The following AGBL1 variants were observed in gnomAD, a reference collection of about 807,000 sequenced individuals.
The protein encoded by AGBL1 is cytosolic carboxypeptidase 4.
Under a neutral mutation model 118.9 loss-of-function variants are expected in AGBL1, and 130 were observed. The ratio of observed to expected loss-of-function variants is 1.09; its 90% CI spans 0.95 to 1.26. AGBL1 has a LOEUF of 1.26. Ranked by LOEUF, AGBL1 falls within the 50% of genes most tolerant of loss-of-function variation. The pLI is 0.00. For synonymous variants in AGBL1, 555 were observed against 478.9 expected (o/e 1.16, Z -2.08); for missense variants, 1,584 against 1,298.1 (o/e 1.22, Z -3.38).
chr15:86,791,275 G>A (rs2078489571), intron 22 of AGBL1, among the ~76,000 whole-genome samples: 6 of 152,168 alleles, frequency 3.9e-5, no homozygotes, highest in Admixed American at 3.9e-4. Flanking sequence ...TATACCAAAT[G>A]TAGATAGTAT....
At chr15:87,008,177 G>GC (rs1206158763) in intron 24 of AGBL1, among the ~76,000 whole-genome samples, 2 of 152,178 alleles carry the variant, frequency 1.3e-5, no homozygotes, top group Admixed American at 1.3e-4. Flanking sequence ...AGGAAGATCT[G>GC]CTTCCACCTG....
chr15:86,680,864 G>A (rs1356933686), intron 22 of AGBL1, among the ~76,000 whole-genome samples: 1 of 151,774 alleles, frequency 6.6e-6, no homozygotes, highest in African/African-American at 2.4e-5. Context: ...ACTGCACCTG[G>A]CCGCACCCTG....
At chr15:86,750,120 T>C (rs2077824089) in intron 22 of AGBL1, among the ~76,000 whole-genome samples, 1 of 152,028 alleles carries the variant, frequency 6.6e-6, no homozygotes, top group Admixed American at 6.6e-5. Context: ...GAGGCAATAA[T>C]TTTTAATACT....
chr15:86,478,567 T>C (rs2082597224), intron 18 of AGBL1, among the ~76,000 whole-genome samples: 1 of 152,010 alleles, frequency 6.6e-6, no homozygotes, highest in South Asian at 2.1e-4. Flanking sequence ...AAACCACTGC[T>C]CAACAAAATA....
At chr15:86,528,022 C>T (rs2083290057) in intron 19 of AGBL1, among the ~76,000 whole-genome samples, 1 of 152,164 alleles carries the variant, frequency 6.6e-6, no homozygotes, top group Non-Finnish European at 1.5e-5. Flanking sequence ...TCACTTGCAT[C>T]ATATATGTAT....
At chr15:86,219,673 C>G (rs1268221326) in intron 5 of AGBL1, among the ~76,000 whole-genome samples, 9 of 152,198 alleles carry the variant, frequency 5.9e-5, no homozygotes, top group Non-Finnish European at 1.5e-5. Context: ...CCCGCTTAAG[C>G]TGTACCACAC....
At chr15:86,740,088 G>C (rs1220187424) in intron 22 of AGBL1, among the ~76,000 whole-genome samples, 2 of 152,186 alleles carry the variant, frequency 1.3e-5, no homozygotes, top group Non-Finnish European at 2.9e-5. Context: ...AAGCATAAAA[G>C]TGACTTGGCT....
chr15:86,173,626 G>A (rs529961845), intron 5 of AGBL1, among the ~76,000 whole-genome samples: 6 of 152,162 alleles, frequency 3.9e-5, no homozygotes, highest in East Asian at 1.9e-4. Flanking sequence ...TGTATGTGCC[G>A]AGAGGTAGGG....
intron 22 of AGBL1, among the ~76,000 whole-genome samples, chr15:86,776,789 T>TGTGTGA (rs1567168793): frequency 9.7e-5 from 11 of 112,966 alleles, no homozygotes; most frequent in Non-Finnish European, 1.3e-4. Context: ...TGTGTGTGTG[T>TGTGTGA]GAGAGAGAGA....
intron 21 of AGBL1, among the ~76,000 whole-genome samples, chr15:86,641,962 T>A (rs2085198896): frequency 6.6e-6 from 1 of 152,208 alleles, no homozygotes; most frequent in East Asian, 1.9e-4. Context: ...TCAAGCCTGC[T>A]CCATATGTCT....
intron 22 of AGBL1, among the ~76,000 whole-genome samples, chr15:86,815,704 T>A (rs890474254): frequency 1.3e-5 from 2 of 151,424 alleles, no homozygotes; most frequent in Admixed American, 1.3e-4. Flanking sequence ...TCTCCAATCT[T>A]TCTGATATAT....
intron 1 of AGBL1, among the ~76,000 whole-genome samples, chr15:86,104,118 C>T (rs576722971): frequency 2.0e-5 from 3 of 152,206 alleles, no homozygotes; most frequent in South Asian, 2.1e-4. Flanking sequence ...GAGGAGTGCT[C>T]AGGTGCCAAT....
chr15:86,991,563 G>A (rs1050818628), intron 24 of AGBL1, among the ~76,000 whole-genome samples: 1 of 152,060 alleles, frequency 6.6e-6, no homozygotes, highest in African/African-American at 2.4e-5. Flanking sequence ...GATGATCTAG[G>A]CAATAAGATA....
chr15:86,558,348 A>G (rs1012774746), intron 21 of AGBL1, among the ~76,000 whole-genome samples: 5 of 152,124 alleles, frequency 3.3e-5, no homozygotes, highest in African/African-American at 1.2e-4. Flanking sequence ...TACATCCAAT[A>G]GCTGATCTGT....
At chr15:86,607,953 T>C (rs1037329833) in intron 21 of AGBL1, among the ~76,000 whole-genome samples, 12 of 152,308 alleles carry the variant, frequency 7.9e-5, no homozygotes, top group African/African-American at 2.9e-4. Flanking sequence ...AGATGATATC[T>C]ATAAACCATA....
rs187137046 is a variant in AGBL1 at position 86,681,933 on chromosome 15, A to T, written c.3158+7497A>T. The stretch of plus-strand genomic sequence containing the variant: ...TTTGGGATTGGAGACAATGGTTTCC[A>T]TAAAGATCCCATTACAGTAAAGCGA... On this transcript the variant is annotated intron_variant, in intron 22 of 22. Coordinates refer to ENST00000614907, the MANE Select transcript of AGBL1 (RefSeq NM_001386094.1). Among the ~76,000 whole-genome samples the T allele has an allele frequency of 1.2e-4, 19 of 152,308 alleles. No homozygotes were observed. The East Asian group carries it at 3.5e-3, about 28-fold the overall frequency.
chr15:86,991,599 T>C (rs1440322901), intron 24 of AGBL1, among the ~76,000 whole-genome samples: 1 of 152,150 alleles, frequency 6.6e-6, no homozygotes. Flanking sequence ...AGAATGACTC[T>C]TGACTGAGGG....
At chr15:86,135,970 C>A (rs537351823) in intron 1 of AGBL1, among the ~76,000 whole-genome samples, 1 of 152,296 alleles carries the variant, frequency 6.6e-6, no homozygotes, top group East Asian at 1.9e-4. Flanking sequence ...TACCTTAAGA[C>A]TATTATGCTG....
At chr15:86,231,807 GT>G (rs1168450491) in intron 6 of AGBL1, among the ~76,000 whole-genome samples, 1 of 152,156 alleles carries the variant, frequency 6.6e-6, no homozygotes. Flanking sequence ...ATGAGGCTAG[GT>G]TTATTTAGCC....
Sources: allele counts gnomAD v4.1 joint callset (sites outside exome capture counted in the v4.1 genomes callset), GRCh38; gene constraint gnomAD v4.1.1; transcripts MANE v1.5; gene names NCBI Gene and HGNC (gene_info 2026-07-23, HGNC 2026-07-21).